The following TSPAN9 variants were observed in gnomAD, a reference collection of about 807,000 sequenced individuals.
TSPAN9 encodes tetraspanin-9.
TSPAN9 carries 16 observed loss-of-function variants against 31.0 expected under a neutral mutation model. That is an observed-to-expected ratio of 0.52 (90% CI 0.35 to 0.78). The LOEUF is 0.78. TSPAN9 is among the 30% of genes least tolerant of loss of function. The pLI, the probability that TSPAN9 is intolerant of heterozygous loss-of-function variation, is 0.01. For synonymous variants in TSPAN9, 145 were observed against 121.6 expected, an observed-to-expected ratio of 1.19 and a Z score of -1.27; for missense variants, 272 against 312.5, an observed-to-expected ratio of 0.87 and a Z score of 0.98.
chr12:3,244,506 G>A (rs1400014314), intron 3 of TSPAN9, among the ~76,000 whole-genome samples: 2 of 152,244 alleles, frequency 1.3e-5, no homozygotes, highest in African/African-American at 4.8e-5. Context: ...TGGGGGCAGA[G>A]GCAGCTGGTG....
intron 2 of TSPAN9, among the ~76,000 whole-genome samples, chr12:3,123,465 G>GA (rs1002630839): frequency 1.3e-5 from 2 of 152,162 alleles, no homozygotes; most frequent in Admixed American, 1.3e-4. Context: ...CCCTTGGCCT[G>GA]AGGCTCAGTG....
At chr12:3,271,340 T>A (rs1347518988) in intron 3 of TSPAN9, among the ~76,000 whole-genome samples, 1 of 152,162 alleles carries the variant, frequency 6.6e-6, no homozygotes, top group Non-Finnish European at 1.5e-5. Flanking sequence ...TTAGGCTGAA[T>A]TACTAGAAGT....
At chr12:3,238,631 C>T (rs2098395034) in intron 3 of TSPAN9, among the ~76,000 whole-genome samples, 1 of 152,234 alleles carries the variant, frequency 6.6e-6, no homozygotes, top group South Asian at 2.1e-4. Flanking sequence ...GCCAGCTATC[C>T]TTTATTCCCT....
intron 2 of TSPAN9, among the ~76,000 whole-genome samples, chr12:3,185,683 G>A (rs566899651): frequency 2.0e-5 from 3 of 152,372 alleles, no homozygotes; most frequent in South Asian, 2.1e-4. Context: ...GCGTGAGCTG[G>A]CCGCTGGGCA....
At chr12:3,153,167 C>T (rs1049269661) in intron 2 of TSPAN9, among the ~76,000 whole-genome samples, 6 of 152,118 alleles carry the variant, frequency 3.9e-5, no homozygotes, top group Non-Finnish European at 5.9e-5. Flanking sequence ...GTGGCAGTCC[C>T]GGAAGGGCCT....
At chr12:3,235,657 C>T (rs895596705) in intron 3 of TSPAN9, among the ~76,000 whole-genome samples, 1 of 152,218 alleles carries the variant, frequency 6.6e-6, no homozygotes, top group South Asian at 2.1e-4. Flanking sequence ...CGACTGCATC[C>T]TGTCTCCCAC....
chr12:3,251,417 T>A (rs1862242091), intron 3 of TSPAN9, among the ~76,000 whole-genome samples: 1 of 146,876 alleles, frequency 6.8e-6, no homozygotes, highest in Non-Finnish European at 1.5e-5. Context: ...CGACTAATGA[T>A]GGTCATGTCT....
At chr12:3,201,354 GCT>G in intron 3 of TSPAN9, 98 bp downstream of exon 3, 2 of 1,227,700 alleles carry the variant, frequency 1.6e-6, no homozygotes, top group Non-Finnish European at 2.4e-6. Flanking sequence ...GCATTGCTCT[GCT>G]CTCTGCACAG....
chr12:3,177,026 C>T (rs1406238641), intron 2 of TSPAN9, among the ~76,000 whole-genome samples: 4 of 144,272 alleles, frequency 2.8e-5, no homozygotes, highest in South Asian at 2.5e-4. Context: ...AAGAGGTGGC[C>T]GGGGGAGTGG....
chr12:3,252,489 C>G (rs1334396495), intron 3 of TSPAN9, among the ~76,000 whole-genome samples: 1 of 152,228 alleles, frequency 6.6e-6, no homozygotes, highest in Non-Finnish European at 1.5e-5. Context: ...GCCCCATGCC[C>G]TTATATAGCC....
intron 2 of TSPAN9, among the ~76,000 whole-genome samples, chr12:3,198,168 AG>A (rs2098368345): frequency 1.2e-5 from 1 of 82,474 alleles, no homozygotes; most frequent in African/African-American, 4.4e-5. Context: ...GGCCACCACC[AG>A]CACAGCTCAC....
chr12:3,182,639 GCT>G (rs1420591643), intron 2 of TSPAN9, among the ~76,000 whole-genome samples: 2 of 152,184 alleles, frequency 1.3e-5, no homozygotes, highest in African/African-American at 4.8e-5. Context: ...TTCTCTTGCA[GCT>G]GACAGGTCTG....
At chr12:3,164,990 T>G (rs2098347538) in intron 2 of TSPAN9, among the ~76,000 whole-genome samples, 1 of 152,222 alleles carries the variant, frequency 6.6e-6, no homozygotes, top group East Asian at 1.9e-4. Context: ...TCTAGGATTC[T>G]GTGGTTCCTT....
In TSPAN9 at chr12:3,282,724, C is replaced by T. The variant is rs1326346937; in HGVS notation, c.649-321C>T. The stretch of plus-strand genomic sequence containing the variant: ...CACTCCCCACCTTGGCTCCTGTGAG[C>T]CCCCACGTAGAGCCAGGTCCTCCGT... On this transcript the variant is annotated intron_variant, in intron 8 of 8. Coordinates refer to ENST00000011898, the MANE Select transcript of TSPAN9 (RefSeq NM_006675.5). 2.6e-5 allele frequency among the ~76,000 whole-genome samples: 4 copies of T among 152,188 alleles called. No homozygotes were observed. In the East Asian group the frequency reaches 7.7e-4, roughly 29 times the overall value.
At chr12:3,160,224 A>G (rs1019184065) in intron 2 of TSPAN9, among the ~76,000 whole-genome samples, 4 of 152,216 alleles carry the variant, frequency 2.6e-5, no homozygotes, top group Non-Finnish European at 4.4e-5. Flanking sequence ...GCTTCTTAGC[A>G]TACTTAGCAT....
intron 8 of TSPAN9, among the ~76,000 whole-genome samples, chr12:3,282,681 A>G (rs960039874): frequency 1.6e-4 from 25 of 152,104 alleles, no homozygotes; most frequent in African/African-American, 5.1e-4. Flanking sequence ...TGAGTCCTGA[A>G]TGATCCCTGC....
At chr12:3,229,754 GCACAGCTGGGGCTGA>G (rs61681982) in intron 3 of TSPAN9, among the ~76,000 whole-genome samples, 26,956 of 152,214 alleles carry the variant, frequency 0.18, 2,752 homozygotes, top group Middle Eastern at 0.28. Flanking sequence ...CACCTGCCAG[GCACAGCTGGGGCTGA>G]CACAGCTGGG....
intron 3 of TSPAN9, among the ~76,000 whole-genome samples, chr12:3,260,805 C>T (rs1591711063): frequency 6.6e-6 from 1 of 152,048 alleles, no homozygotes; most frequent in Non-Finnish European, 1.5e-5. Context: ...GAGGGAAGGG[C>T]GTGGCTGGTG....
Position 3,147,733 on chromosome 12 carries a change from C to G in TSPAN9, c.-17-53444C>G, listed in dbSNP as rs924569487. Among the ~76,000 whole-genome samples the G allele has an allele frequency of 4.6e-5, 7 of 152,188 alleles. No homozygotes were observed. Among genetic ancestry groups the G allele is most frequent in the Admixed American group, 1.3e-4 (2 of 15,286 alleles). On this transcript the variant is annotated intron_variant, in intron 2 of 8. Transcript: ENST00000011898. This position sits in a 1 kb window ranked among gnomAD's most constrained non-coding sequence, Gnocchi z 4.3. ...TAACTTAAAATGGAAATGTAGGTGG[C>G]CACATGTTGCTAGTGGCTGCCACGT... is the stretch of plus-strand genomic sequence containing the variant.
Sources: allele counts gnomAD v4.1 joint callset (sites outside exome capture counted in the v4.1 genomes callset), GRCh38; gene constraint gnomAD v4.1.1; non-coding constraint Gnocchi (gnomAD v3.1); transcripts MANE v1.5; gene names NCBI Gene and HGNC (gene_info 2026-07-23, HGNC 2026-07-21).